PTGR1: variants seen among roughly 807,000 people sequenced by gnomAD.
PTGR1 encodes 15-oxoprostaglandin 13-reductase.
PTGR1 carries 23 observed loss-of-function variants against 37.7 expected under a neutral mutation model. The ratio of observed to expected loss-of-function variants is 0.61; its 90% CI spans 0.44 to 0.86. The LOEUF is 0.86. PTGR1 is among the 40% of genes least tolerant of loss of function. The probability of loss-of-function intolerance (pLI) is 0.00; values close to 1 mark genes in which losing one functional copy is unlikely to be tolerated. For missense variants in PTGR1, 351 were observed against 394.3 expected (o/e 0.89, Z 0.93); for synonymous variants, 134 against 140.0 (o/e 0.96, Z 0.30).
At chr9:111,558,993 G>A (rs567978419), downstream of PTGR1, among the ~76,000 whole-genome samples, 1 of 152,096 alleles carries the variant, frequency 6.6e-6, no homozygotes, top group South Asian at 2.1e-4. Context: ...CTCAAGCTCT[G>A]ACATCCTGCA....
At chr9:111,583,419 T>G (rs1394211959) in intron 6 of PTGR1, 53 bp downstream of exon 6, 9 of 1,422,234 alleles carry the variant, frequency 6.3e-6, no homozygotes, top group Non-Finnish European at 8.0e-6. Flanking sequence ...TGTTCACTGT[T>G]GCATTCCCAA....
chr9:111,574,431 C>T lies in PTGR1; in HGVS notation c.760+303G>A, dbSNP rs1828966944. 3 of 169,424 alleles carry T rather than the reference C, an allele frequency of 1.8e-5. No individual in the cohort carries two copies. The South Asian group carries it at 5.6e-4, about 32-fold the overall frequency. 10.5% of individuals were successfully genotyped at this position (169,424 alleles called of 1,614,324 possible). A position where few individuals can be genotyped will look rare whatever the true frequency, so the allele number is the denominator to read the frequency against. ...GTGGCAGGAACACAGCTCACTGCAG[C>T]CTCGCCTCCCAGGCTCAAGCAATCC... On this transcript the variant is annotated intron_variant, in intron 8 of 9. Coordinates refer to ENST00000407693, the MANE Select transcript of PTGR1 (RefSeq NM_001146108.2).
Position 111,594,309 on chromosome 9 carries a change from C to T in PTGR1, c.107-42G>A, listed in dbSNP as rs762786883. The T allele has an allele frequency of 5.7e-6, 9 of 1,565,516 alleles. No individual in the cohort carries two copies. In the South Asian group the frequency reaches 7.8e-5, roughly 14 times the overall value. Reference sequence around the variant, plus strand: ...TCCATAGGCAATTAGAAACTCAAGGCCTGAGAGGAACAATAGACACTGAGC... The same window carrying T: ...TCCATAGGCAATTAGAAACTCAAGGTCTGAGAGGAACAATAGACACTGAGC... On this transcript the variant is annotated intron_variant, in intron 2 of 9. Transcript: ENST00000407693.
At chr9:111,560,636 CAAAAAAAAAAAA>C (rs1015199330), downstream of PTGR1, among the ~76,000 whole-genome samples, 2 of 26,296 alleles carry the variant, frequency 7.6e-5, no homozygotes, top group Non-Finnish European at 1.4e-4. Flanking sequence ...GACACCATCT[CAAAAAAAAAAAA>C]AAAAAAAAAA....
chr9:111,592,877 T>C (rs371254675), intron 4 of PTGR1, 49 bp downstream of exon 4: 10 of 1,574,328 alleles, frequency 6.4e-6, no homozygotes, highest in Middle Eastern at 1.7e-4. Context: ...CAGCAGGAGG[T>C]AAAGAGGAGA....
At chr9:111,570,042 G>A (rs1377093728) in intron 9 of PTGR1, 49 bp downstream of exon 9, 1 of 1,610,316 alleles carries the variant, frequency 6.2e-7, no homozygotes, top group South Asian at 1.1e-5. Context: ...GAGGCAAAGG[G>A]AGTGTGACCT....
intron 7 of PTGR1, chr9:111,575,329 G>C (rs934602043): frequency 2.6e-5 from 4 of 152,318 alleles, no homozygotes; most frequent in Admixed American, 6.6e-5. Context: ...AAATAAACAG[G>C]CTTTTTCATT....
chr9:111,576,336 C>A (rs780646914), intron 7 of PTGR1: 1 of 1,612,500 alleles, frequency 6.2e-7, no homozygotes, highest in South Asian at 1.1e-5. Flanking sequence ...CAAACCAGTA[C>A]TCACTAAGCT....
chr9:111,555,970 C>A (rs1448083848), intron 9 of PTGR1, among the ~76,000 whole-genome samples: 2 of 152,202 alleles, frequency 1.3e-5, no homozygotes, highest in Non-Finnish European at 2.9e-5. Context: ...AAGTCCAAGT[C>A]CAAAGTCTCT....
chr9:111,597,340 T>C lies in PTGR1; in HGVS notation c.83A>G (p.Glu28Gly), dbSNP rs1425594302. 1.2e-6 allele frequency: 2 copies of C among 1,611,820 alleles called. No individual in the cohort carries two copies. Among genetic ancestry groups the C allele is most frequent in the Non-Finnish European group, 8.5e-7 (1 of 1,178,264 alleles). ...ACCTCCATTTTTTAAGGGTGGGAGC[T>C]CAGCTGTCTTCAACTCAAAGTCACT... is the stretch of plus-strand genomic sequence containing the variant. ...TNSDFELKTA[E>G]LPPLKNGEVL... Residue 28 changes from glutamate to glycine, a missense_variant, in exon 2 of 10, where the codon GAG becomes GGG. Coordinates refer to ENST00000407693, the MANE Select transcript of PTGR1 (RefSeq NM_001146108.2).
chr9:111,560,241 G>A (rs1828233789), downstream of PTGR1, among the ~76,000 whole-genome samples: 1 of 152,010 alleles, frequency 6.6e-6, no homozygotes, highest in African/African-American at 2.4e-5. Flanking sequence ...AGCACTTTGT[G>A]AGGCCAAGGC....
chr9:111,578,599 GC>G (rs1386182678), intron 7 of PTGR1, among the ~76,000 whole-genome samples, 196 bp downstream of exon 7: 1 of 152,138 alleles, frequency 6.6e-6, no homozygotes, highest in Non-Finnish European at 1.5e-5. Context: ...CGGAGCTCAG[GC>G]AGTAATGGGA....
At chr9:111,557,491 G>C (rs1168979576) in intron 9 of PTGR1, among the ~76,000 whole-genome samples, 1 of 151,714 alleles carries the variant, frequency 6.6e-6, no homozygotes, top group Non-Finnish European at 1.5e-5. Flanking sequence ...TGTCTCTCAG[G>C]CTGGAGTGCA....
At chr9:111,551,695 C>T (rs1050009502) in intron 9 of PTGR1, among the ~76,000 whole-genome samples, 1 of 152,162 alleles carries the variant, frequency 6.6e-6, no homozygotes, top group African/African-American at 2.4e-5. Context: ...AACCGCCACA[C>T]ACAACCCCAA....
intron 9 of PTGR1, among the ~76,000 whole-genome samples, chr9:111,555,654 C>A (rs12339139): frequency 6.6e-6 from 1 of 151,858 alleles, no homozygotes; most frequent in East Asian, 1.9e-4. Context: ...CACATCTTCA[C>A]ATGGCAGCAG....
At chr9:111,553,187 CTT>C (rs1564604185) in intron 9 of PTGR1, among the ~76,000 whole-genome samples, 2 of 152,112 alleles carry the variant, frequency 1.3e-5, no homozygotes, top group African/African-American at 2.4e-5. Context: ...ATCTTTAACA[CTT>C]TTGAATAGAA....
intron 7 of PTGR1, chr9:111,577,634 C>G (rs939899050): frequency 2.9e-4 from 44 of 152,400 alleles, no homozygotes; most frequent in African/African-American, 9.9e-4. Flanking sequence ...TGCTTGAGCC[C>G]AGGAGTTCCA....
chr9:111,587,514 C>T (rs1829473419), intron 4 of PTGR1, among the ~76,000 whole-genome samples: 1 of 152,004 alleles, frequency 6.6e-6, no homozygotes, highest in Non-Finnish European at 1.5e-5. Flanking sequence ...TGCAATGGTG[C>T]CATCTCGGCA....
chr9:111,551,931 TATTAC>T (rs1788912007), intron 9 of PTGR1, among the ~76,000 whole-genome samples: 1 of 152,232 alleles, frequency 6.6e-6, no homozygotes, highest in South Asian at 2.1e-4. Context: ...TGCAGCCATT[TATTAC>T]ATTTAAAATT....
Sources: allele counts gnomAD v4.1 joint callset (sites outside exome capture counted in the v4.1 genomes callset), GRCh38; gene constraint gnomAD v4.1.1; transcripts MANE v1.5; gene names NCBI Gene and HGNC (gene_info 2026-07-23, HGNC 2026-07-21).